Variants in LRRD1 observed in about 807,000 individuals in gnomAD.
The protein encoded by LRRD1 is leucine-rich repeat and death domain-containing protein 1.
In LRRD1, 49 loss-of-function variants were observed where a neutral mutation model predicts 69.5. The observed-to-expected ratio is 0.70, with a 90% CI of 0.56 to 0.89. The LOEUF (loss-of-function observed/expected upper bound fraction) is 0.89. Among genes scored for constraint, LRRD1 ranks in the 40% least tolerant of loss-of-function variants. The pLI, the probability that LRRD1 is intolerant of heterozygous loss-of-function variation, is 0.00. For synonymous variants in LRRD1, 303 were observed against 338.9 expected (o/e 0.89, Z 1.16); for missense variants, 853 against 956.0 (o/e 0.89, Z 1.42).
At chr7:92,148,932 A>G (rs1820398783) in intron 4 of LRRD1, among the ~76,000 whole-genome samples, 1 of 152,124 alleles carries the variant, frequency 6.6e-6, no homozygotes, top group Non-Finnish European at 1.5e-5. Flanking sequence ...TATTTCTAGT[A>G]GAGATGGGGT....
intron 1 of LRRD1, among the ~76,000 whole-genome samples, chr7:92,173,997 T>C (rs1789111588): frequency 1.3e-5 from 2 of 152,112 alleles, no homozygotes. Context: ...TATTCAGCCA[T>C]AAGAAAGAAT....
At chr7:92,142,807 G>C (rs1820193000), downstream of LRRD1, 1 of 438,274 alleles carries the variant, frequency 2.3e-6, no homozygotes, top group South Asian at 1.6e-5. Context: ...GGTCTTGCTG[G>C]CTTCAAGAGT....
Position 92,159,160 on chromosome 7 carries a change from T to C in LRRD1, c.1961A>G (p.Lys654Arg). The C allele has an allele frequency of 6.5e-7, 1 of 1,540,316 alleles. No individual in the cohort carries two copies. The highest frequency in any genetic ancestry group is 8.7e-7 in the Non-Finnish European group (1 of 1,143,224). Residue 654 changes from lysine to arginine, a missense_variant, in exon 3 of 6, where the codon AAA becomes AGA. Lys to Arg is a conservative substitution (Grantham distance 26). Coordinates refer to ENST00000458448, the MANE Select transcript of LRRD1 (RefSeq NM_001161528.2). ...PGELSNMTQL[K>R]ELDISNNAIR... Reference sequence around the variant, plus strand: ...TGCATTATTTGAGATATCAAGTTCTTTAAGTTGAGTCATATTAGATAGCTC... The same window carrying C: ...TGCATTATTTGAGATATCAAGTTCTCTAAGTTGAGTCATATTAGATAGCTC...
chr7:92,176,187 G>T (rs1789192831), intron 1 of LRRD1, among the ~76,000 whole-genome samples: 1 of 152,168 alleles, frequency 6.6e-6, no homozygotes, highest in African/African-American at 2.4e-5. Flanking sequence ...GGAAAGAAGT[G>T]ATATACCCAT....
At chr7:92,172,940 A>G (rs1211604301) in intron 1 of LRRD1, among the ~76,000 whole-genome samples, 1 of 152,174 alleles carries the variant, frequency 6.6e-6, no homozygotes, top group Non-Finnish European at 1.5e-5. Flanking sequence ...CCTGACTCCA[A>G]ATTATACCCC....
Position 92,146,168 on chromosome 7 carries a change from C to T in LRRD1, c.2311G>A (p.Ala771Thr). 3.3e-6 allele frequency: 5 copies of T among 1,534,602 alleles called. No individual in the cohort carries two copies. Among genetic ancestry groups the T allele is most frequent in the Non-Finnish European group, 3.5e-6 (4 of 1,139,778 alleles). The change falls in exon 5 of 6, where the codon GCC becomes ACC. Residue 771 changes from alanine to threonine, a missense_variant. Coordinates refer to ENST00000458448, the MANE Select transcript of LRRD1 (RefSeq NM_001161528.2). The stretch of plus-strand genomic sequence containing the variant: ...AAATTGGTTTCAGTGATGTTGTTGG[C>T]AACTATCTTGAATATCTTCTCTAAA... ...KILEKIFKIV[A>T]NNITETNFEF...
chr7:92,167,931 C>G (rs1788956880), intron 1 of LRRD1, among the ~76,000 whole-genome samples: 2 of 132,876 alleles, frequency 1.5e-5, no homozygotes, highest in African/African-American at 5.7e-5. Flanking sequence ...CTCTAAGATT[C>G]TGTTAAAAAT....
chr7:92,141,870 C>CA (rs1820155995), downstream of LRRD1: 1 of 152,072 alleles, frequency 6.6e-6, no homozygotes, highest in Non-Finnish European at 1.5e-5. Flanking sequence ...TTTTAACCTG[C>CA]AAAATAAATT....
chr7:92,154,416 A>G (rs1788605404), intron 3 of LRRD1, among the ~76,000 whole-genome samples: 2 of 151,108 alleles, frequency 1.3e-5, no homozygotes, highest in Admixed American at 6.6e-5. Context: ...ATTTTTTTGT[A>G]TTTTGTTTGT....
chr7:92,143,325 G>C (rs1243926260), downstream of LRRD1, among the ~76,000 whole-genome samples: 1 of 152,048 alleles, frequency 6.6e-6, no homozygotes, highest in African/African-American at 2.4e-5. Flanking sequence ...CGCACCCACC[G>C]GGGCCGCAGG....
chr7:92,142,907 C>G (rs900348929), downstream of LRRD1: 2 of 335,992 alleles, frequency 6.0e-6, no homozygotes, highest in African/African-American at 4.3e-5. Flanking sequence ...TTGCAAAGAG[C>G]GAAAGAACAA....
intron 3 of LRRD1, among the ~76,000 whole-genome samples, 170 bp downstream of exon 3, chr7:92,158,835 C>T (rs975698780): frequency 1.3e-5 from 2 of 152,114 alleles, no homozygotes; most frequent in African/African-American, 2.4e-5. Context: ...AGGAACTGGA[C>T]CTTATACTTT....
At chr7:92,168,333 G>C (rs1439722904) in intron 1 of LRRD1, among the ~76,000 whole-genome samples, 1 of 152,168 alleles carries the variant, frequency 6.6e-6, no homozygotes, top group East Asian at 1.9e-4. Context: ...CCCATGGGAA[G>C]TACTGGGAGT....
At position 92,150,642 on chromosome 7, in the gene LRRD1, C is replaced by G. The variant is rs768036055; in HGVS notation, c.2170G>C (p.Glu724Gln). 5 of 1,550,652 alleles carry G rather than the reference C, an allele frequency of 3.2e-6. No homozygotes were observed. The South Asian group carries it at 6.0e-5, about 18-fold the overall frequency. ...AAAGGGTTGTCATCAAAATTTATCT[C>G]CTTCAGTGAAAAAATATTGTAGATA... The part of the protein sequence containing the change: ...SAIYNIFSLK[E>Q]INFDDNPLLR... The change falls in exon 4 of 6, where the codon GAG (glutamate) becomes CAG (glutamine). Residue 724 changes from glutamate (E) to glutamine (Q), a missense_variant. Physicochemically the swap from Glu to Gln is conservative, Grantham distance 29 (BLOSUM62 2). This residue lies in a region of LRRD1 where 739 missense variants were observed against 808.0 expected (regional missense o/e 0.91). Coordinates refer to ENST00000458448, the MANE Select transcript of LRRD1 (RefSeq NM_001161528.2).
intron 3 of LRRD1, among the ~76,000 whole-genome samples, chr7:92,154,848 T>C (rs1234293597): frequency 6.6e-6 from 1 of 152,194 alleles, no homozygotes; most frequent in Admixed American, 6.5e-5. Flanking sequence ...ACCCCCCAGC[T>C]GATGCCTACA....
rs1191331502 is a variant in LRRD1, at chr7:92,164,411, C to T, written c.792G>A (p.Leu264=). 6 of 1,547,774 alleles carry T rather than the reference C, an allele frequency of 3.9e-6. No homozygotes were observed. Among genetic ancestry groups the T allele is most frequent in the Non-Finnish European group, 5.2e-6 (6 of 1,145,944 alleles). Reference sequence around the variant, plus strand: ...GTATATGTCTTAACTTATTTTTACCCAAACTTAAAATTTCCAAGTTTCCAA... The same window carrying T: ...GTATATGTCTTAACTTATTTTTACCTAAACTTAAAATTTCCAAGTTTCCAA... ...ECLGNLEILS[L]GKNKLRHIPD... is the part of the protein sequence containing the mutation. The change falls in exon 2 of 6, where the codon TTG becomes TTA. Residue 264 remains leucine (L), a synonymous_variant. Coordinates refer to ENST00000458448, the MANE Select transcript of LRRD1 (RefSeq NM_001161528.2).
In LRRD1 at chr7:92,165,187, C is replaced by G. The variant is rs917406577; in HGVS notation, c.16G>C (p.Gly6Arg). The change falls in exon 2 of 6, where the codon GGT becomes CGT. Residue 6 changes from glycine to arginine, a missense_variant. Gly to Arg is a moderately radical substitution (Grantham distance 125, BLOSUM62 -2). This residue lies in a region of LRRD1 where 99 missense variants were observed against 107.0 expected (regional missense o/e 0.92). Transcript: ENST00000458448. The part of the protein sequence containing the change: MSEKE[G>R]MSEVLEDTIS... ...GTATCCTCTAGCACTTCTGACATAC[C>G]CTCCTTTTCAGACATCTTATTTGCT... 4.1e-6 allele frequency: 6 copies of G among 1,472,956 alleles called. No individual in the cohort carries two copies. Among genetic ancestry groups the G allele is most frequent in the Non-Finnish European group, 5.4e-6 (6 of 1,105,896 alleles). The allele number at this position is 1,472,956 out of a possible 1,614,324, so 91.2% of individuals were successfully genotyped here.
intron 1 of LRRD1, 123 bp downstream of exon 1, chr7:92,178,884 A>T (rs1431848714): frequency 6.6e-6 from 1 of 152,240 alleles, no homozygotes; most frequent in African/African-American, 2.4e-5. Context: ...GTGGAAAAAG[A>T]GACATTCAGT....
downstream of LRRD1, among the ~76,000 whole-genome samples, chr7:92,143,920 T>C (rs367750694): frequency 2.6e-5 from 4 of 152,314 alleles, 1 homozygote. Context: ...AATCAATCAT[T>C]ATGGTTAAAT....
Sources: allele counts gnomAD v4.1 joint callset (sites outside exome capture counted in the v4.1 genomes callset), GRCh38; gene constraint gnomAD v4.1.1; regional missense constraint gnomAD v4.1.1; transcripts MANE v1.5; gene names NCBI Gene and HGNC (gene_info 2026-07-23, HGNC 2026-07-21).